The following CEP63 variants were observed in gnomAD, a reference collection of about 807,000 sequenced individuals.
CEP63 encodes the protein centrosomal protein 63.
A neutral mutation model predicts 89.1 loss-of-function variants in CEP63; 84 were observed. That is an observed-to-expected ratio of 0.94 (90% confidence interval 0.79 to 1.13). The LOEUF (loss-of-function observed/expected upper bound fraction) is 1.13, where lower values mean the gene tolerates loss of function less well. Among genes scored for constraint, CEP63 ranks in the 50% most tolerant of loss-of-function variants. CEP63 has a pLI of 0.00. For synonymous variants in CEP63, 267 were observed against 272.5 expected (o/e 0.98, Z 0.20); for missense variants, 838 against 813.3 (o/e 1.03, Z -0.37).
At chr3:134,643,461 G>A in the CEP63 span, 3 of 1,235,114 alleles carry the variant, frequency 2.4e-6, no homozygotes, top group Non-Finnish European at 3.5e-6. Flanking sequence ...GTGTTTGCGG[G>A]AAAGGTGGGC....
the CEP63 span, among the ~76,000 whole-genome samples, chr3:134,658,573 A>G: frequency 1.3e-5 from 2 of 152,320 alleles, no homozygotes; most frequent in East Asian, 3.9e-4. Context: ...TTTGAATCAA[A>G]TTGGACAGAA....
At chr3:134,608,456 C>T in the CEP63 span, 1 of 1,524,898 alleles carries the variant, frequency 6.6e-7, no homozygotes, top group Admixed American at 2.0e-5. Flanking sequence ...TATGGCCCTT[C>T]CCTGCCCTGA....
intron 1 of CEP63, among the ~76,000 whole-genome samples, chr3:134,490,171 ATAT>A (rs974851134): frequency 2.6e-5 from 4 of 152,138 alleles, no homozygotes; most frequent in African/African-American, 9.7e-5. Context: ...GAGTTAGGAA[ATAT>A]TATATATTAA....
chr3:134,557,101 T>A (rs1441329426), intron 12 of CEP63, among the ~76,000 whole-genome samples: 3 of 152,166 alleles, frequency 2.0e-5, no homozygotes, highest in African/African-American at 7.2e-5. Flanking sequence ...ATGTCTATTT[T>A]AATAAATTAC....
At chr3:134,646,911 C>G in the CEP63 span, among the ~76,000 whole-genome samples, 152,062 of 152,292 alleles carry the variant, frequency 1, 75,917 homozygotes, top group Non-Finnish European at 1. Context: ...AGTGTTACCA[C>G]AGAGATCCTG....
chr3:134,678,207 T>C, the CEP63 span, among the ~76,000 whole-genome samples: 51 of 152,072 alleles, frequency 3.4e-4, no homozygotes, highest in Non-Finnish European at 6.0e-4. Context: ...TTTCTCTCTG[T>C]GATGTGTTGC....
intron 2 of CEP63, among the ~76,000 whole-genome samples, chr3:134,500,186 A>G (rs1941539719): frequency 6.6e-6 from 1 of 152,100 alleles, no homozygotes; most frequent in African/African-American, 2.4e-5. Context: ...GCAAATGAAA[A>G]CATGCAGTAT....
the CEP63 span, among the ~76,000 whole-genome samples, chr3:134,695,852 T>C: frequency 1.3e-5 from 2 of 152,246 alleles, no homozygotes; most frequent in East Asian, 3.9e-4. Flanking sequence ...AAAGTGCTTA[T>C]GTGTACTAAC....
the CEP63 span, among the ~76,000 whole-genome samples, chr3:134,715,657 T>G: frequency 6.6e-6 from 1 of 152,116 alleles, no homozygotes; most frequent in Non-Finnish European, 1.5e-5. Context: ...GGGCTAGGTC[T>G]TCCTTTAAAG....
chr3:134,701,444 A>G, the CEP63 span, among the ~76,000 whole-genome samples: 15 of 144,686 alleles, frequency 1.0e-4, no homozygotes, highest in South Asian at 4.4e-4. Flanking sequence ...GTATATATAC[A>G]TATATATGTG....
At chr3:134,541,199 C>T (rs75509866) in intron 6 of CEP63, among the ~76,000 whole-genome samples, 1 of 152,014 alleles carries the variant, frequency 6.6e-6, no homozygotes, top group South Asian at 2.1e-4. Flanking sequence ...AATTTTTGCC[C>T]AGTATTTTTT....
intron 3 of CEP63, among the ~76,000 whole-genome samples, chr3:134,526,002 T>C (rs1470172604): frequency 1.3e-5 from 2 of 152,206 alleles, no homozygotes; most frequent in African/African-American, 4.8e-5. Context: ...GGAAAGTTCT[T>C]ATGGATGATA....
At chr3:134,577,553 A>C (rs1958245366), downstream of CEP63, among the ~76,000 whole-genome samples, 1 of 142,584 alleles carries the variant, frequency 7.0e-6, no homozygotes, top group African/African-American at 2.6e-5. Flanking sequence ...CAGCCTCCCC[A>C]AGTAGTTGGG....
At chr3:134,764,560 G>C in the CEP63 span, among the ~76,000 whole-genome samples, 1 of 152,276 alleles carries the variant, frequency 6.6e-6, no homozygotes, top group East Asian at 1.9e-4. Context: ...TCACAATGGG[G>C]CAGTACATAG....
At chr3:134,694,656 G>T in the CEP63 span, among the ~76,000 whole-genome samples, 1 of 152,212 alleles carries the variant, frequency 6.6e-6, no homozygotes, top group Non-Finnish European at 1.5e-5. Context: ...CTGCTTCACT[G>T]CATTCTTTCT....
chr3:134,518,540 C>T (rs1216465490), intron 3 of CEP63, among the ~76,000 whole-genome samples: 2 of 152,200 alleles, frequency 1.3e-5, no homozygotes, highest in Middle Eastern at 3.4e-3. Context: ...CTAAATAACC[C>T]ATGAATCAAA....
rs776300685 is a variant in CEP63, at chr3:134,531,886, C to T, written c.264C>T (p.Ile88=). The part of the protein sequence containing the change: ...LHQQVEEHEK[I]KQEMTMEYKQ... ...AGCAGGTAGAAGAACATGAAAAAAT[C>T]AAGCAAGAGATGACCATGGAATATA... is the stretch of plus-strand genomic sequence containing the variant. Residue 88 remains isoleucine (I), a synonymous_variant, in exon 4 of 15, where the codon ATC becomes ATT. Coordinates refer to ENST00000675561, the MANE Select transcript of CEP63 (RefSeq NM_001353108.3). 1 of 1,613,524 alleles carries T rather than the reference C, an allele frequency of 6.2e-7. No homozygotes were observed. Among genetic ancestry groups the T allele is most frequent in the South Asian group, 1.1e-5 (1 of 91,036 alleles).
Position 134,550,052 on chromosome 3 carries a change from C to T in CEP63, c.1183-11C>T, listed in dbSNP as rs1299323987. 1 of 1,602,152 alleles carries T rather than the reference C, an allele frequency of 6.2e-7. No individual in the cohort carries two copies. The highest frequency in any genetic ancestry group is 1.1e-5 in the South Asian group (1 of 90,812). ...TTAACTTTTGGTGCTTTCTTTTCTG[C>T]TTCTTTATAGTTGAAAGAACAGATT... On this transcript the variant is annotated splice_polypyrimidine_tract_variant and intron_variant, in intron 10 of 14. Transcript: ENST00000675561.
chr3:134,487,598 C>G (rs1936050946), intron 1 of CEP63, among the ~76,000 whole-genome samples: 1 of 152,192 alleles, frequency 6.6e-6, no homozygotes. Flanking sequence ...TGAAATTCAG[C>G]TAAAGCCAAC....
Sources: gnomAD v4.1 joint callset for allele counts (sites outside exome capture counted in the v4.1 genomes callset) on GRCh38, gnomAD v4.1.1 for gene constraint, MANE v1.5 for transcripts, NCBI Gene and HGNC (gene_info 2026-07-23, HGNC 2026-07-21) for gene names.